Variants in DAPK1 observed in about 807,000 individuals in gnomAD.
DAPK1 encodes death-associated protein kinase 1.
DAPK1 carries 56 observed loss-of-function variants against 144.9 expected under a neutral mutation model. The observed-to-expected ratio is 0.39, with a 90% CI of 0.31 to 0.48. The LOEUF is 0.48. DAPK1 is among the 20% of genes least tolerant of loss of function. DAPK1 has a pLI of 0.95. For missense variants in DAPK1, 1,454 were observed against 1,875.4 expected (o/e 0.78, Z 4.15); for synonymous variants, 690 against 749.0 (o/e 0.92, Z 1.29).
At chr9:87,653,825 C>G (rs1043331810) in intron 17 of DAPK1, among the ~76,000 whole-genome samples, 1 of 152,070 alleles carries the variant, frequency 6.6e-6, no homozygotes, top group Non-Finnish European at 1.5e-5. Context: ...TCCTGAGTAG[C>G]TGGGATTACA....
chr9:87,689,109 T>C (rs1824965154), intron 21 of DAPK1, among the ~76,000 whole-genome samples: 1 of 152,178 alleles, frequency 6.6e-6, no homozygotes, highest in African/African-American at 2.4e-5. Flanking sequence ...AATTTTTTTT[T>C]TATATGGTGA....
At chr9:87,659,825 G>A (rs986786109) in intron 18 of DAPK1, among the ~76,000 whole-genome samples, 59 of 147,442 alleles carry the variant, frequency 4.0e-4, no homozygotes, top group African/African-American at 1.5e-3. Flanking sequence ...TGCACACACC[G>A]CACCCGCAGT....
chr9:87,553,812 A>G (rs7021443), intron 2 of DAPK1: 51,382 of 152,112 alleles, frequency 0.34, 8,957 homozygotes, highest in Middle Eastern at 0.51. Flanking sequence ...TTTATTTTCA[A>G]TATTCCACAG....
At position 87,632,964 on chromosome 9, in the gene DAPK1, G is replaced by A. The variant is rs896852885; in HGVS notation, c.285-4979G>A. ...TATATACGTAGGGATGAAGGAGGAT[G>A]AGTACATATGTAGAAATGAAGGGAG... On this transcript the variant is annotated intron_variant, in intron 3 of 25. Transcript: ENST00000408954. 1.6e-4 allele frequency: 155 copies of A among 972,580 alleles called. 1 individual carries two copies. In the African/African-American group the frequency reaches 2.6e-3, roughly 17 times the overall value. 60.2% of individuals were successfully genotyped at this position (972,580 alleles called of 1,614,324 possible). A position where few individuals can be genotyped will look rare whatever the true frequency, so the allele number is the denominator to read the frequency against.
intron 2 of DAPK1, among the ~76,000 whole-genome samples, chr9:87,525,685 A>T (rs903922114): frequency 6.8e-6 from 1 of 147,624 alleles, no homozygotes; most frequent in Non-Finnish European, 1.5e-5. Flanking sequence ...CACCTCCTCC[A>T]TGTTTTCCTC....
intron 3 of DAPK1, among the ~76,000 whole-genome samples, chr9:87,622,066 T>A (rs1022617421): frequency 2.0e-5 from 3 of 152,062 alleles, no homozygotes; most frequent in Admixed American, 2.0e-4. Flanking sequence ...TTTTTTTTTT[T>A]TTATTTCTCT....
intron 2 of DAPK1, among the ~76,000 whole-genome samples, chr9:87,585,667 T>G (rs1282144050): frequency 6.6e-6 from 1 of 152,246 alleles, no homozygotes; most frequent in Admixed American, 6.5e-5. Context: ...CTATCTCTTC[T>G]GGTTCCCTTC....
At chr9:87,514,333 TC>T (rs1282340164) in intron 2 of DAPK1, among the ~76,000 whole-genome samples, 3 of 152,182 alleles carry the variant, frequency 2.0e-5, no homozygotes, top group Admixed American at 6.5e-5. Flanking sequence ...GTATGGACTG[TC>T]CCAGGAGTGC....
At chr9:87,562,609 G>T (rs1011757670) in intron 2 of DAPK1, among the ~76,000 whole-genome samples, 7 of 152,172 alleles carry the variant, frequency 4.6e-5, no homozygotes, top group African/African-American at 1.7e-4. Flanking sequence ...TATTTTTATA[G>T]AAAAGAGTAT....
intron 3 of DAPK1, among the ~76,000 whole-genome samples, chr9:87,616,466 G>A (rs186344519): frequency 1.3e-5 from 2 of 152,162 alleles, no homozygotes; most frequent in Non-Finnish European, 2.9e-5. Flanking sequence ...ACAGTTTTGG[G>A]GGGAAACGTT....
chr9:87,579,805 C>T lies in DAPK1; in HGVS notation c.63-25149C>T, dbSNP rs368778671. 3.2e-3 allele frequency among the ~76,000 whole-genome samples: 493 copies of T among 152,254 alleles called. 4 individuals are homozygous for T. The highest frequency in any genetic ancestry group is 0.011 in the African/African-American group (477 of 41,538). On this transcript the variant is annotated intron_variant, in intron 2 of 25. Coordinates refer to ENST00000408954, the MANE Select transcript of DAPK1 (RefSeq NM_004938.4). ...CTGAATATGTTTTGTCCCATTCATC[C>T]ATCCTTCCATCCAGCCATCCATTCA...
intron 18 of DAPK1, 189 bp from the exon 19 acceptor site, chr9:87,668,408 G>T: frequency 8.4e-6 from 5 of 594,266 alleles, no homozygotes; most frequent in South Asian, 4.1e-5. Flanking sequence ...TTACCTTCCT[G>T]TCCTGGACAA....
Position 87,601,851 on chromosome 9 carries a change from A to G in DAPK1, c.63-3103A>G, listed in dbSNP as rs115028197. 8.5e-3 allele frequency among the ~76,000 whole-genome samples: 1,288 copies of G among 152,316 alleles called. 14 individuals are homozygous for G. Among genetic ancestry groups the G allele is most frequent in the African/African-American group, 0.029 (1,205 of 41,564 alleles). ...AGCCGTTACACAATTCTGTTGAACT[A>G]TAATGCAGAACACTTTGTCTAACTC... On this transcript the variant is annotated intron_variant, in intron 2 of 25. Coordinates refer to ENST00000408954, the MANE Select transcript of DAPK1 (RefSeq NM_004938.4).
intron 2 of DAPK1, among the ~76,000 whole-genome samples, chr9:87,502,493 C>T (rs1824440266): frequency 6.6e-6 from 1 of 152,208 alleles, no homozygotes; most frequent in Non-Finnish European, 1.5e-5. Flanking sequence ...GCACCTCGGG[C>T]AGCTGCAGGC....
rs1400675230 is a variant in DAPK1 at position 87,686,435 on chromosome 9, A to G, written c.2225-116A>G. 1.2e-5 allele frequency: 8 copies of G among 643,828 alleles called. No individual in the cohort carries two copies. The highest frequency in any genetic ancestry group is 1.8e-5 in the African/African-American group (1 of 55,750). 39.9% of individuals were successfully genotyped at this position (643,828 alleles called of 1,614,324 possible). A position where few individuals can be genotyped will look rare whatever the true frequency, so the allele number is the denominator to read the frequency against. On this transcript the variant is annotated intron_variant, in intron 20 of 25. Transcript: ENST00000408954. The surrounding 1 kb of genome is among the most constrained non-coding windows in gnomAD (Gnocchi z 4.2). ...GCAGACACACTCAGCCTGAAGCCAG[A>G]GTTGGGGTGGGGACAGAGGCGTGCT...
At chr9:87,679,090 A>T (rs140555015) in intron 19 of DAPK1, among the ~76,000 whole-genome samples, 17 of 105,104 alleles carry the variant, frequency 1.6e-4, no homozygotes, top group African/African-American at 5.8e-4. Flanking sequence ...TGTAGATCAC[A>T]TGGAGGTGCC....
chr9:87,651,612 A>T lies in DAPK1; in HGVS notation c.1712A>T (p.Asp571Val). Residue 571 changes from aspartate (D) to valine (V), a missense_variant, in exon 17 of 26, where the codon GAT becomes GTT. Physicochemically the swap from Asp to Val is radical, Grantham distance 152 (BLOSUM62 -3). Transcript: ENST00000408954. ...CTCCTCAGCCAAGGGTGTTTCGTCG[A>T]TTATCAAGACAGGCACGGCAATACT... ...KTLLSQGCFVDYQDRHGNTPL... is the reference protein window; with the variant it reads ...KTLLSQGCFVVYQDRHGNTPL... 1.2e-6 allele frequency: 2 copies of T among 1,614,198 alleles called. No individual in the cohort carries two copies. The highest frequency in any genetic ancestry group is 3.3e-5 in the Admixed American group (2 of 60,034).
At chr9:87,702,546 G>GA (rs1825490461) in intron 24 of DAPK1, among the ~76,000 whole-genome samples, 1 of 152,122 alleles carries the variant, frequency 6.6e-6, no homozygotes, top group Non-Finnish European at 1.5e-5. Flanking sequence ...AGGGAGGGAG[G>GA]AAAAAGTGAG....
intron 7 of DAPK1, 134 bp from the exon 8 acceptor site, chr9:87,640,164 A>G: frequency 5.4e-6 from 5 of 922,776 alleles, no homozygotes; most frequent in Middle Eastern, 2.3e-4. Flanking sequence ...TTAAAGCCCT[A>G]TGAAATATAA....
Sources: gnomAD v4.1 joint callset for allele counts (sites outside exome capture counted in the v4.1 genomes callset) on GRCh38, gnomAD v4.1.1 for gene constraint, Gnocchi (gnomAD v3.1) non-coding constraint, MANE v1.5 for transcripts, NCBI Gene and HGNC (gene_info 2026-07-23, HGNC 2026-07-21) for gene names.